PTPN13: variants seen among roughly 807,000 people sequenced by gnomAD.
The protein encoded by PTPN13 is protein tyrosine phosphatase non-receptor type 13, also known as tyrosine-protein phosphatase non-receptor type 13.
Under a neutral mutation model 284.0 loss-of-function variants are expected in PTPN13, and 191 were observed. The ratio of observed to expected loss-of-function variants is 0.67; its 90% confidence interval spans 0.60 to 0.76. PTPN13 has a LOEUF of 0.76. PTPN13 is among the 30% of genes least tolerant of loss of function. The pLI is 0.00. For synonymous variants in PTPN13, 986 were observed against 1,022.3 expected (o/e 0.96, Z 0.68); for missense variants, 2,797 against 2,939.9 (o/e 0.95, Z 1.12).
At chr4:86,597,857 A>T (rs1462760354) in intron 1 of PTPN13, among the ~76,000 whole-genome samples, 4 of 152,344 alleles carry the variant, frequency 2.6e-5, no homozygotes, top group Middle Eastern at 6.8e-3. Context: ...TATCAAATGC[A>T]TGGGAAATAC....
intron 2 of PTPN13, among the ~76,000 whole-genome samples, chr4:86,635,899 G>T (rs554099780): frequency 6.6e-6 from 1 of 152,134 alleles, no homozygotes; most frequent in Non-Finnish European, 1.5e-5. Context: ...GGAGGTGGAG[G>T]TTGCAGTGAG....
chr4:86,611,531 A>T (rs1027124399), intron 1 of PTPN13, among the ~76,000 whole-genome samples: 1 of 152,228 alleles, frequency 6.6e-6, no homozygotes, highest in Non-Finnish European at 1.5e-5. Context: ...CCTGCAAAAA[A>T]CTAAAATAGG....
chr4:86,642,933 A>G (rs1364162187), intron 2 of PTPN13, among the ~76,000 whole-genome samples: 1 of 152,206 alleles, frequency 6.6e-6, no homozygotes, highest in Non-Finnish European at 1.5e-5. Flanking sequence ...GGTTATTGCT[A>G]CCTTGGAAAA....
At chr4:86,728,235 T>C (rs1316183966) in intron 10 of PTPN13, among the ~76,000 whole-genome samples, 2 of 149,506 alleles carry the variant, frequency 1.3e-5, no homozygotes, top group African/African-American at 2.4e-5. Context: ...TTACTTCCAA[T>C]TATGTGGTCA....
chr4:86,678,634 C>A (rs542341825), intron 3 of PTPN13, among the ~76,000 whole-genome samples: 1 of 152,252 alleles, frequency 6.6e-6, no homozygotes, highest in South Asian at 2.1e-4. Context: ...CTTCTTATAC[C>A]CTGAAACTTT....
At chr4:86,625,882 G>A (rs1402158408) in intron 1 of PTPN13, among the ~76,000 whole-genome samples, 1 of 152,042 alleles carries the variant, frequency 6.6e-6, no homozygotes, top group Admixed American at 6.6e-5. Context: ...TTGATCTTTT[G>A]TGTTTTATCC....
chr4:86,635,145 AGG>A, intron 1 of PTPN13, 105 bp from the exon 2 acceptor site: 1 of 1,177,280 alleles, frequency 8.5e-7, no homozygotes, highest in East Asian at 2.6e-5. Context: ...TTGAGAAATT[AGG>A]TAGACAGGGG....
chr4:86,647,780 A>G (rs985189225), intron 2 of PTPN13, among the ~76,000 whole-genome samples: 19 of 152,082 alleles, frequency 1.2e-4, no homozygotes, highest in Non-Finnish European at 1.8e-4. Flanking sequence ...GGACGTAAAC[A>G]CATACAGAAG....
chr4:86,732,375 T>C (rs1263863801), intron 10 of PTPN13, 25 bp from the exon 11 acceptor site: 18 of 1,509,314 alleles, frequency 1.2e-5, no homozygotes, highest in East Asian at 2.4e-5. Context: ...GTAAAAAATA[T>C]TGATTCTGCT....
At position 86,814,868 on chromosome 4, in the gene PTPN13, TC is replaced by T. The variant is rs1578747029; in HGVS notation, c.*318del. 3 of 204,710 alleles carry T rather than the reference TC, an allele frequency of 1.5e-5. No homozygotes were observed. In the East Asian group the frequency reaches 3.2e-4, roughly 22 times the overall value. 12.7% of individuals were successfully genotyped at this position (204,710 alleles called of 1,614,324 possible). A position where few individuals can be genotyped will look rare whatever the true frequency, so the allele number is the denominator to read the frequency against. ...GGTGAGTCTATTTTTAATGCACCAA[TC>T]TTGTTTATAGCAAAAATGTTTTCCA... On this transcript the variant is annotated 3_prime_UTR_variant, in exon 48 of 48. Coordinates refer to ENST00000411767, the MANE Select transcript of PTPN13 (RefSeq NM_080683.3).
At chr4:86,756,631 C>T (rs1360975883) in intron 20 of PTPN13, among the ~76,000 whole-genome samples, 1 of 152,048 alleles carries the variant, frequency 6.6e-6, no homozygotes. Flanking sequence ...AAGGCTAATT[C>T]ACTCCTGAGA....
Position 86,750,666 on chromosome 4 carries a change from T to A in PTPN13, c.2847T>A (p.Ser949Arg), listed in dbSNP as rs770785959. The change falls in exon 18 of 48, where the codon AGT (serine) becomes AGA (arginine). Residue 949 changes from serine to arginine, a missense_variant. Transcript: ENST00000411767. ...ELSLYQPLQN[S>R]SKEKNDKASW... ...CGCTTTACCAGCCATTGCAAAACAG[T>A]TCAAAAGAGAAGAATGACAAAGCTT... 6 of 1,613,784 alleles carry A rather than the reference T, an allele frequency of 3.7e-6. No individual in the cohort carries two copies. The Admixed American group carries it at 1.0e-4, about 27-fold the overall frequency.
intron 2 of PTPN13, among the ~76,000 whole-genome samples, chr4:86,642,216 C>T (rs1268593045): frequency 6.6e-6 from 1 of 151,964 alleles, no homozygotes; most frequent in African/African-American, 2.4e-5. Flanking sequence ...TAGCTTTCCT[C>T]CTTCCTTTAT....
At chr4:86,700,301 A>G (rs1041042811) in intron 6 of PTPN13, among the ~76,000 whole-genome samples, 32 of 152,168 alleles carry the variant, frequency 2.1e-4, no homozygotes, top group African/African-American at 7.5e-4. Context: ...AAGGTAGCAC[A>G]TGAAATCTTC....
At position 86,707,088 on chromosome 4, in the gene PTPN13, A is replaced by G. The variant is rs146466631; in HGVS notation, c.1195+5287A>G. Among the ~76,000 whole-genome samples the G allele has an allele frequency of 2.4e-4, 36 of 152,310 alleles. No individual in the cohort carries two copies. The East Asian group carries it at 6.8e-3, about 29-fold the overall frequency. ...ATCCATTGCTCTGTGGGTTGGCAGT[A>G]GATTCCTGATTATGAGAGATTGACT... On this transcript the variant is annotated intron_variant, in intron 7 of 47. Coordinates refer to ENST00000411767, the MANE Select transcript of PTPN13 (RefSeq NM_080683.3).
chr4:86,652,960 G>T (rs962957447), intron 2 of PTPN13, among the ~76,000 whole-genome samples: 3 of 151,442 alleles, frequency 2.0e-5, no homozygotes, highest in Non-Finnish European at 4.4e-5. Flanking sequence ...TCCCCCGACT[G>T]TGTATTTCCA....
chr4:86,686,078 C>T (rs574268060), intron 3 of PTPN13, among the ~76,000 whole-genome samples: 33 of 152,130 alleles, frequency 2.2e-4, no homozygotes, highest in Non-Finnish European at 4.6e-4. Context: ...ATGCAAGGTG[C>T]CTGCCAGGCG....
rs374813357 is a variant in PTPN13 at position 86,774,538 on chromosome 4, C to T, written c.5508+7C>T. The T allele has an allele frequency of 1.9e-6, 3 of 1,585,404 alleles. No homozygotes were observed. The highest frequency in any genetic ancestry group is 1.2e-5 in the South Asian group (1 of 85,412). ...TGGGGACCGGCTCATAAAGGTGAGA[C>T]ATTTAAGAGGAATGGATTATTTGTG... On this transcript the variant is annotated splice_region_variant and intron_variant, in intron 33 of 47. Coordinates refer to ENST00000411767, the MANE Select transcript of PTPN13 (RefSeq NM_080683.3).
intron 15 of PTPN13, among the ~76,000 whole-genome samples, 166 bp from the exon 16 acceptor site, chr4:86,741,468 C>T (rs563858488): frequency 6.6e-6 from 1 of 152,242 alleles, no homozygotes; most frequent in East Asian, 1.9e-4. Flanking sequence ...ACAGGAAAGA[C>T]CTGCCCCCAT....
Sources: allele counts gnomAD v4.1 joint callset (sites outside exome capture counted in the v4.1 genomes callset), GRCh38; gene constraint gnomAD v4.1.1; transcripts MANE v1.5; gene names NCBI Gene and HGNC (gene_info 2026-07-23, HGNC 2026-07-21).